The following GLE1 variants were observed in gnomAD, a reference collection of about 807,000 sequenced individuals.
The protein encoded by GLE1 is mRNA export factor GLE1.
In GLE1, 78 loss-of-function variants were observed where a neutral mutation model predicts 97.3. The observed-to-expected ratio is 0.80, with a 90% CI of 0.67 to 0.97. The LOEUF is 0.97. Among genes scored for constraint, GLE1 ranks in the 50% least tolerant of loss-of-function variants. The pLI, the probability that GLE1 is intolerant of heterozygous loss-of-function variation, is 0.00. For missense variants in GLE1, 753 were observed against 857.5 expected (o/e 0.88, Z 1.52); for synonymous variants, 302 against 313.4 (o/e 0.96, Z 0.39).
chr9:128,516,668 G>A lies in GLE1; in HGVS notation c.432+1029G>A, dbSNP rs1007417436. ...GACAGAGTCTTGCTGTTGTCAGCCC[G>A]GGCTGGAGTGCAGTGGTGCAATCTT... On this transcript the variant is annotated intron_variant, in intron 3 of 15. Coordinates refer to ENST00000309971, the MANE Select transcript of GLE1 (RefSeq NM_001003722.2). 2.7e-5 allele frequency among the ~76,000 whole-genome samples: 4 copies of A among 148,454 alleles called. No individual in the cohort carries two copies. In the South Asian group the frequency reaches 6.4e-4, roughly 24 times the overall value.
chr9:128,509,188 G>A (rs1449007411), intron 2 of GLE1, 91 bp downstream of exon 2: 2 of 800,444 alleles, frequency 2.5e-6, no homozygotes, highest in Admixed American at 3.7e-5. Flanking sequence ...ATACCCTAGG[G>A]GAAATAATGA....
chr9:128,516,276 A>C (rs1483066962), intron 3 of GLE1, among the ~76,000 whole-genome samples: 1 of 150,754 alleles, frequency 6.6e-6, no homozygotes, highest in East Asian at 2.0e-4. Context: ...AGCCTCTTGA[A>C]AAAATAGCAG....
chr9:128,504,949 G>A (rs749024720), intron 1 of GLE1, 45 bp downstream of exon 1: 5 of 1,279,196 alleles, frequency 3.9e-6, no homozygotes, highest in Non-Finnish European at 5.7e-6. Flanking sequence ...GGCCCCTCGC[G>A]ACCGAAACCT....
chr9:128,537,803 C>T (rs187644404), intron 12 of GLE1, among the ~76,000 whole-genome samples, 183 bp from the exon 13 acceptor site: 7 of 152,172 alleles, frequency 4.6e-5, no homozygotes, highest in Non-Finnish European at 7.3e-5. Flanking sequence ...AAGTGAGACC[C>T]TGTCTCAAAA....
At chr9:128,507,577 C>T (rs1481217113) in intron 1 of GLE1, among the ~76,000 whole-genome samples, 1 of 144,438 alleles carries the variant, frequency 6.9e-6, no homozygotes, top group East Asian at 2.0e-4. Flanking sequence ...GAATGAGAGC[C>T]TGTCTCTCAA....
chr9:128,536,475 C>T lies in GLE1; in HGVS notation c.1767C>T (p.Asn589=). The change falls in exon 12 of 16, where the codon AAC becomes AAT. Residue 589 remains asparagine (N), a synonymous_variant. Transcript: ENST00000309971. ...TCCAGCTCCGGTGGCCATATGGAAA[C>T]CGACAGGAGGTAGGTAAAAGAGGCT... ...AIIQLRWPYG[N]RQEIHPHGLN... The T allele has an allele frequency of 6.2e-7, 1 of 1,613,670 alleles. No individual in the cohort carries two copies. Among genetic ancestry groups the T allele is most frequent in the East Asian group, 2.2e-5 (1 of 44,874 alleles).
chr9:128,520,516 G>C (rs899588483), intron 3 of GLE1, among the ~76,000 whole-genome samples: 6 of 151,168 alleles, frequency 4.0e-5, no homozygotes, highest in African/African-American at 1.5e-4. Flanking sequence ...TAATGACTAG[G>C]GGAAGACAGC....
Position 128,533,749 on chromosome 9 carries a change from C to T in GLE1, c.1456-12C>T, listed in dbSNP as rs781098540. The T allele has an allele frequency of 1.2e-6, 2 of 1,613,928 alleles. No individual in the cohort carries two copies. Among genetic ancestry groups the T allele is most frequent in the Non-Finnish European group, 1.7e-6 (2 of 1,179,776 alleles). ...TATTAAGTTAAAATTGTACCCACCT[C>T]TATGTTCTCAGAAACAAGGCGAGGA... On this transcript the variant is annotated splice_polypyrimidine_tract_variant and intron_variant, in intron 10 of 15. Transcript: ENST00000309971.
chr9:128,509,850 T>C lies in GLE1; in HGVS notation c.321+753T>C, dbSNP rs537233642. 3.3e-5 allele frequency among the ~76,000 whole-genome samples: 5 copies of C among 152,164 alleles called. No homozygotes were observed. In the South Asian group the frequency reaches 1.0e-3, roughly 32 times the overall value. ...GGCTCGAGCTTGTTGTCCTAGCTAC[T>C]TGGGACATTGAGATGGGAGGATCAC... On this transcript the variant is annotated intron_variant, in intron 2 of 15. Transcript: ENST00000309971.
intron 3 of GLE1, among the ~76,000 whole-genome samples, chr9:128,520,078 C>T (rs1168413725): frequency 2.6e-5 from 4 of 151,944 alleles, no homozygotes; most frequent in South Asian, 2.1e-4. Flanking sequence ...TGTGAAACCC[C>T]GTCTCTACTA....
chr9:128,533,475 T>C (rs1345492160), intron 9 of GLE1, 38 bp from the exon 10 acceptor site: 3 of 1,360,490 alleles, frequency 2.2e-6, no homozygotes, highest in Non-Finnish European at 3.1e-6. Context: ...GAGATTGATC[T>C]GTGGTTATAT....
intron 1 of GLE1, among the ~76,000 whole-genome samples, chr9:128,506,195 A>G (rs1461720026): frequency 6.6e-6 from 1 of 152,094 alleles, no homozygotes; most frequent in Non-Finnish European, 1.5e-5. Context: ...AAAATACAAA[A>G]TTAGCCGAGC....
chr9:128,537,259 C>G (rs1419100988), intron 12 of GLE1, among the ~76,000 whole-genome samples: 3 of 151,680 alleles, frequency 2.0e-5, no homozygotes, highest in African/African-American at 4.8e-5. Context: ...TCAAGACCAG[C>G]CTGGCCAACA....
intron 2 of GLE1, 75 bp from the exon 3 acceptor site, chr9:128,515,454 C>T (rs1256256166): frequency 2.4e-6 from 2 of 826,542 alleles, no homozygotes; most frequent in African/African-American, 3.4e-5. Context: ...TGGTCTTTGT[C>T]TAGAAGAGAT....
chr9:128,510,694 A>T (rs1846788703), intron 2 of GLE1, among the ~76,000 whole-genome samples: 1 of 147,880 alleles, frequency 6.8e-6, no homozygotes, highest in Non-Finnish European at 1.5e-5. Context: ...ATGCCTGGCT[A>T]ATTTTTGTAT....
intron 2 of GLE1, among the ~76,000 whole-genome samples, chr9:128,513,095 G>GGACT (rs1281228869): frequency 2.6e-5 from 4 of 152,090 alleles, no homozygotes; most frequent in Non-Finnish European, 4.4e-5. Context: ...TTGGCTTAAG[G>GGACT]GACTGAGGGA....
intron 2 of GLE1, among the ~76,000 whole-genome samples, chr9:128,511,234 ATAAT>A (rs1846810973): frequency 1.3e-5 from 2 of 149,644 alleles, no homozygotes; most frequent in Non-Finnish European, 3.0e-5. Context: ...GACTGAGTAA[ATAAT>A]AACAACAAAA....
intron 2 of GLE1, among the ~76,000 whole-genome samples, chr9:128,514,445 CTTTTTTTTT>C (rs772047006): frequency 7.5e-6 from 1 of 132,746 alleles, no homozygotes; most frequent in Admixed American, 7.6e-5. Flanking sequence ...GGATAGCAGA[CTTTTTTTTT>C]TTTTTTTTTT....
Position 128,542,221 on chromosome 9 carries a change from A to G in GLE1, c.*1051A>G, listed in dbSNP as rs1847898110. ...TGGTACTCTTGAGTGGCCTGAAGTG[A>G]CCCATTCTATGAATTGTTAATTAAG... On this transcript the variant is annotated 3_prime_UTR_variant, in exon 16 of 16. Transcript: ENST00000309971. The G allele has an allele frequency of 6.6e-6, 1 of 152,138 alleles. No individual in the cohort carries two copies. The highest frequency in any genetic ancestry group is 1.5e-5 in the Non-Finnish European group (1 of 68,028). The allele number at this position is 152,138 out of a possible 1,614,324, so 9.4% of individuals were successfully genotyped here. A position where few individuals can be genotyped will look rare whatever the true frequency, so the allele number is the denominator to read the frequency against.
Sources: gnomAD v4.1 joint callset for allele counts (sites outside exome capture counted in the v4.1 genomes callset) on GRCh38, gnomAD v4.1.1 for gene constraint, MANE v1.5 for transcripts, NCBI Gene and HGNC (gene_info 2026-07-23, HGNC 2026-07-21) for gene names.